MINPP1: variants seen among roughly 807,000 people sequenced by gnomAD.
MINPP1 encodes multiple inositol-polyphosphate phosphatase 1.
MINPP1 carries 28 observed loss-of-function variants against 46.1 expected under a neutral mutation model. The observed-to-expected ratio is 0.61, with a 90% CI of 0.45 to 0.83. The LOEUF is 0.83. MINPP1 is among the 40% of genes least tolerant of loss of function. The pLI, the probability that MINPP1 is intolerant of heterozygous loss-of-function variation, is 0.00. For synonymous variants in MINPP1, 268 were observed against 249.1 expected, an observed-to-expected ratio of 1.08 and a Z score of -0.72; for missense variants, 603 against 610.0, an observed-to-expected ratio of 0.99 and a Z score of 0.12.
At chr10:87,517,029 A>G (rs911222891) in intron 3 of MINPP1, among the ~76,000 whole-genome samples, 4 of 152,156 alleles carry the variant, frequency 2.6e-5, no homozygotes, top group Admixed American at 6.5e-5. Flanking sequence ...ACATGGACAG[A>G]TAGAGGGGAA....
Position 87,505,007 on chromosome 10 carries a change from C to T in MINPP1, c.92C>T (p.Ser31Phe), listed in dbSNP as rs764783792. ...CTGCTCTCGTCGCTTGCGCGCTGCT[C>T]TCTTCTAGAGCCGAGGGACCCGGTG... ...AALLSSLARCSLLEPRDPVAS... is the reference protein window; with the variant it reads ...AALLSSLARCFLLEPRDPVAS... The change falls in exon 1 of 5, where the codon TCT (serine) becomes TTT (phenylalanine). Residue 31 changes from serine (S) to phenylalanine (F), a missense_variant. Physicochemically the swap from Ser to Phe is radical, Grantham distance 155 (BLOSUM62 -2). Coordinates refer to ENST00000371996, the MANE Select transcript of MINPP1 (RefSeq NM_004897.5). This position sits in a 1 kb window ranked among gnomAD's most constrained non-coding sequence, Gnocchi z 4.4. 45 of 1,612,858 alleles carry T rather than the reference C, an allele frequency of 2.8e-5. No individual in the cohort carries two copies. Among genetic ancestry groups the T allele is most frequent in the Non-Finnish European group, 3.7e-5 (44 of 1,179,880 alleles).
rs1286923736 is a variant in MINPP1 at position 87,532,895 on chromosome 10, G to A, written c.1067+11726G>A. 2.0e-4 allele frequency among the ~76,000 whole-genome samples: 30 copies of A among 151,956 alleles called. 2 individuals carry two copies. Among genetic ancestry groups the A allele is most frequent in the Admixed American group, 2.0e-3 (30 of 15,258 alleles). ...TACTGCTTTTCTCCACACATTGACA[G>A]TCAGGCACCAGTGTGGTAGAATAAT... On this transcript the variant is annotated intron_variant, in intron 4 of 4. Transcript: ENST00000371996.
At chr10:87,525,033 C>T (rs1851556104) in intron 4 of MINPP1, among the ~76,000 whole-genome samples, 1 of 152,094 alleles carries the variant, frequency 6.6e-6, no homozygotes. Context: ...GGAAAAATTA[C>T]ACAGATGGCC....
chr10:87,525,620 A>G (rs113468049), intron 4 of MINPP1, among the ~76,000 whole-genome samples: 3 of 152,194 alleles, frequency 2.0e-5, no homozygotes, highest in Non-Finnish European at 4.4e-5. Context: ...ATATGTATAC[A>G]TGTGCCATGC....
intron 2 of MINPP1, among the ~76,000 whole-genome samples, chr10:87,511,504 G>A (rs1322650784): frequency 6.6e-6 from 1 of 151,994 alleles, no homozygotes; most frequent in Non-Finnish European, 1.5e-5. Context: ...ATATTTTTGA[G>A]GTTCTGAAAG....
rs897668031 is a variant in MINPP1, at chr10:87,549,446, C to T, written c.1068-2636C>T. ...TGTCCATACCACTGTCTGTCCTGTGCTCTCCAACACAGTAGCCACCAGCAA... is the reference window on the plus strand; with the variant it reads ...TGTCCATACCACTGTCTGTCCTGTGTTCTCCAACACAGTAGCCACCAGCAA... On this transcript the variant is annotated intron_variant, in intron 4 of 4. Coordinates refer to ENST00000371996, the MANE Select transcript of MINPP1 (RefSeq NM_004897.5). 5.3e-5 allele frequency among the ~76,000 whole-genome samples: 8 copies of T among 152,294 alleles called. No individual in the cohort carries two copies. In the South Asian group the frequency reaches 1.4e-3, roughly 28 times the overall value.
intron 4 of MINPP1, among the ~76,000 whole-genome samples, chr10:87,547,586 T>G (rs931330892): frequency 1.3e-5 from 2 of 152,238 alleles, no homozygotes; most frequent in African/African-American, 4.8e-5. Flanking sequence ...TGGTTTTGCT[T>G]TTGCATTTGG....
At position 87,505,584 on chromosome 10, in the gene MINPP1, G is replaced by A. The variant is rs749403575; in HGVS notation, c.637+32G>A. On this transcript the variant is annotated intron_variant, in intron 1 of 4. Coordinates refer to ENST00000371996, the MANE Select transcript of MINPP1 (RefSeq NM_004897.5). This position sits in a 1 kb window ranked among gnomAD's most constrained non-coding sequence, Gnocchi z 4.4. ...CCCCGGGCGGCCCGTGTGCTGTCCC[G>A]GTCCTCCCACCCGCCCTGGATGCTC... 6.7e-5 allele frequency: 106 copies of A among 1,578,502 alleles called. No homozygotes were observed. The African/African-American group carries it at 1.3e-3, about 20-fold the overall frequency.
chr10:87,530,487 C>G (rs1174545766), intron 4 of MINPP1, among the ~76,000 whole-genome samples: 1 of 152,200 alleles, frequency 6.6e-6, no homozygotes, highest in Non-Finnish European at 1.5e-5. Flanking sequence ...ACTCCAGACC[C>G]TGTTTGCCTG....
At chr10:87,542,092 C>G (rs1376319002) in intron 4 of MINPP1, among the ~76,000 whole-genome samples, 3 of 152,156 alleles carry the variant, frequency 2.0e-5, no homozygotes, top group African/African-American at 7.2e-5. Context: ...AGTCTGAAGT[C>G]TACAAAGTCT....
chr10:87,513,502 A>C (rs1360740179), intron 3 of MINPP1, among the ~76,000 whole-genome samples: 1 of 152,198 alleles, frequency 6.6e-6, no homozygotes, highest in Non-Finnish European at 1.5e-5. Flanking sequence ...CTTTTAACCC[A>C]TCATCAAATT....
intron 4 of MINPP1, among the ~76,000 whole-genome samples, chr10:87,547,287 A>G (rs1428297776): frequency 1.3e-5 from 2 of 151,926 alleles, no homozygotes; most frequent in African/African-American, 4.8e-5. Flanking sequence ...GTTTTTTTGT[A>G]TATTTGATAG....
chr10:87,506,067 A>G (rs2131795854), intron 1 of MINPP1, among the ~76,000 whole-genome samples: 1 of 148,930 alleles, frequency 6.7e-6, no homozygotes, highest in Admixed American at 6.7e-5. Context: ...TGACAGTTTT[A>G]GACCTACACC....
At chr10:87,552,054 C>T in intron 4 of MINPP1, 28 bp from the exon 5 acceptor site, 1 of 1,569,506 alleles carries the variant, frequency 6.4e-7, no homozygotes, top group Admixed American at 1.7e-5. Context: ...ATATATATAC[C>T]TTATTTTCTC....
At chr10:87,542,096 A>G (rs1433255240) in intron 4 of MINPP1, among the ~76,000 whole-genome samples, 1 of 152,170 alleles carries the variant, frequency 6.6e-6, no homozygotes, top group Non-Finnish European at 1.5e-5. Flanking sequence ...TGAAGTCTAC[A>G]AAGTCTCATC....
intron 3 of MINPP1, among the ~76,000 whole-genome samples, chr10:87,515,648 G>A (rs559760804): frequency 3.9e-5 from 6 of 152,184 alleles, no homozygotes; most frequent in Non-Finnish European, 8.8e-5. Context: ...AGTATTTACA[G>A]GTGAAATAAA....
At chr10:87,546,078 A>T in intron 4 of MINPP1, among the ~76,000 whole-genome samples, 1 of 152,206 alleles carries the variant, frequency 6.6e-6, no homozygotes, top group East Asian at 1.9e-4. Context: ...AAGGAATAAA[A>T]GGGAGGCTGC....
At chr10:87,529,936 C>T (rs535618419) in intron 4 of MINPP1, among the ~76,000 whole-genome samples, 11 of 152,266 alleles carry the variant, frequency 7.2e-5, no homozygotes, top group East Asian at 3.9e-4. Flanking sequence ...CTTCTCTTCT[C>T]GCTTCATTTC....
In MINPP1 at chr10:87,552,626, G is replaced by C; in HGVS notation, c.*148G>C. The C allele has an allele frequency of 1.3e-6, 1 of 790,960 alleles. No homozygotes were observed. The highest frequency in any genetic ancestry group is 2.0e-6 in the Non-Finnish European group (1 of 502,072). The allele number at this position is 790,960 out of a possible 1,614,324, so 49.0% of individuals were successfully genotyped here. On this transcript the variant is annotated 3_prime_UTR_variant, in exon 5 of 5. Transcript: ENST00000371996. Reference sequence around the variant, plus strand: ...CAGAAAAACATTGGGTTTCTCTCTGGGTTTGGACATGAAATGTAAGAAAAG... The same window carrying C: ...CAGAAAAACATTGGGTTTCTCTCTGCGTTTGGACATGAAATGTAAGAAAAG...
Sources: gnomAD v4.1 joint callset for allele counts (sites outside exome capture counted in the v4.1 genomes callset) on GRCh38, gnomAD v4.1.1 for gene constraint, Gnocchi (gnomAD v3.1) non-coding constraint, MANE v1.5 for transcripts, NCBI Gene and HGNC (gene_info 2026-07-23, HGNC 2026-07-21) for gene names.